GET1: variants seen among roughly 807,000 people sequenced by gnomAD.
The protein encoded by GET1 is congenital heart disease 5 protein.
GET1 carries 20 observed loss-of-function variants against 22.6 expected under a neutral mutation model. That is an observed-to-expected ratio of 0.89 (90% CI 0.62 to 1.29). GET1 has a LOEUF of 1.29. Among genes scored for constraint, GET1 ranks in the 50% most tolerant of loss-of-function variants. GET1 has a pLI of 0.00. For missense variants in GET1, 209 were observed against 219.9 expected (o/e 0.95, Z 0.31); for synonymous variants, 92 against 83.8 (o/e 1.10, Z -0.53).
intron 1 of GET1, among the ~76,000 whole-genome samples, chr21:39,385,770 G>A (rs552042371): frequency 4.4e-4 from 67 of 151,508 alleles, no homozygotes; most frequent in African/African-American, 1.5e-3. Context: ...GGACTCGCGC[G>A]GGGTCAAAGT....
At chr21:39,410,872 G>A (rs2039980124), downstream of GET1, 1 of 471,180 alleles carries the variant, frequency 2.1e-6, no homozygotes, top group Non-Finnish European at 4.4e-6. Context: ...ACAAAGGCAG[G>A]CAAGGAAATT....
chr21:39,396,815 G>A lies in GET1; in HGVS notation c.452-51G>A, dbSNP rs146570125. On this transcript the variant is annotated intron_variant, in intron 4 of 4. Coordinates refer to ENST00000649170, the MANE Select transcript of GET1 (RefSeq NM_004627.6). ...TGAGTTAAAGACAGCAGAGACAGAT[G>A]GGGGCAGCACTGCTGGTATGCGCTC... The A allele has an allele frequency of 2.3e-3, 3,419 of 1,517,838 alleles. 9 individuals carry two copies. The highest frequency in any genetic ancestry group is 2.8e-3 in the Non-Finnish European group (3,080 of 1,092,746). The allele number at this position is 1,517,838 out of a possible 1,614,324, so 94.0% of individuals were successfully genotyped here. A position where few individuals can be genotyped will look rare whatever the true frequency, so the allele number is the denominator to read the frequency against.
At chr21:39,417,505 A>G (rs530405119) in intron 1 of GET1, among the ~76,000 whole-genome samples, 5 of 152,336 alleles carry the variant, frequency 3.3e-5, no homozygotes, top group African/African-American at 1.2e-4. Flanking sequence ...AATGTAGGCA[A>G]ATAGATGGAT....
downstream of GET1, chr21:39,410,280 G>A: frequency 3.7e-6 from 6 of 1,604,722 alleles, no homozygotes; most frequent in Non-Finnish European, 3.4e-6. Flanking sequence ...TGTCAAAGGT[G>A]GAACATCTGA....
chr21:39,398,770 C>A (rs376276981), downstream of GET1, among the ~76,000 whole-genome samples: 28 of 152,066 alleles, frequency 1.8e-4, no homozygotes, highest in East Asian at 5.4e-3. Flanking sequence ...CCCGCCGTCA[C>A]GCCCAGCTAA....
exon 5 of GET1, chr21:39,406,125 A>G: frequency 6.2e-7 from 1 of 1,614,270 alleles, no homozygotes. Flanking sequence ...TATCTCTGAA[A>G]GTTGTATCCT....
chr21:39,394,564 T>C lies in GET1; in HGVS notation c.451+1284T>C, dbSNP rs141200610. Among the ~76,000 whole-genome samples, 375 of 152,294 alleles carry C rather than the reference T, an allele frequency of 2.5e-3. 1 individual carries two copies. Among genetic ancestry groups the C allele is most frequent in the South Asian group, 2.9e-3 (14 of 4,832 alleles). On this transcript the variant is annotated intron_variant, in intron 4 of 4. Coordinates refer to ENST00000649170, the MANE Select transcript of GET1 (RefSeq NM_004627.6). ...AACAACAGAAATTTATTTCTCACTGTTCCGGAGGCTGGGGAGTCCAAAATC... is the reference window on the plus strand; with the variant it reads ...AACAACAGAAATTTATTTCTCACTGCTCCGGAGGCTGGGGAGTCCAAAATC...
chr21:39,393,972 A>G (rs1249381597), intron 4 of GET1, among the ~76,000 whole-genome samples: 1 of 152,128 alleles, frequency 6.6e-6, no homozygotes, highest in Non-Finnish European at 1.5e-5. Flanking sequence ...TTTTGAAGAT[A>G]AATTTTTTTT....
At chr21:39,387,017 A>C (rs1242176872) in intron 1 of GET1, among the ~76,000 whole-genome samples, 1 of 151,830 alleles carries the variant, frequency 6.6e-6, no homozygotes, top group African/African-American at 2.4e-5. Context: ...GCACCACCAC[A>C]CCTGACTAAT....
downstream of GET1, among the ~76,000 whole-genome samples, chr21:39,399,639 C>G (rs1222380372): frequency 2.0e-5 from 3 of 152,040 alleles, no homozygotes; most frequent in Non-Finnish European, 2.9e-5. Context: ...TGGGGTTTCA[C>G]TATGTTGGCC....
intron 1 of GET1, among the ~76,000 whole-genome samples, chr21:39,388,389 G>A: frequency 6.6e-6 from 1 of 152,114 alleles, no homozygotes; most frequent in Non-Finnish European, 1.5e-5. Flanking sequence ...CCCACGTTTC[G>A]CAGTAATGTC....
At chr21:39,419,017 G>GA (rs1257011880) in intron 1 of GET1, among the ~76,000 whole-genome samples, 1 of 151,982 alleles carries the variant, frequency 6.6e-6, no homozygotes. Flanking sequence ...GAACTCCACA[G>GA]AAAAAAGGAA....
chr21:39,410,454 T>G (rs921721338), downstream of GET1: 3 of 690,412 alleles, frequency 4.3e-6, no homozygotes, highest in African/African-American at 5.5e-5. Flanking sequence ...TTTTATGCAA[T>G]GTAATAATAA....
downstream of GET1, among the ~76,000 whole-genome samples, chr21:39,406,912 C>T (rs1476183248): frequency 6.6e-6 from 1 of 152,188 alleles, no homozygotes; most frequent in East Asian, 1.9e-4. Context: ...TTTAACATCA[C>T]TAACTGGACA....
At chr21:39,391,409 C>G in intron 2 of GET1, 1 of 281,758 alleles carries the variant, frequency 3.5e-6, no homozygotes, top group Non-Finnish European at 6.7e-6. Flanking sequence ...CCAGGACAAG[C>G]TGGACTCCCA....
intron 1 of GET1, among the ~76,000 whole-genome samples, chr21:39,384,958 A>G (rs1338296154): frequency 6.6e-6 from 1 of 152,120 alleles, no homozygotes; most frequent in East Asian, 1.9e-4. Context: ...CCACCCTGTA[A>G]TCGGTAAGAG....
chr21:39,398,788 AT>A (rs1409959509), downstream of GET1, among the ~76,000 whole-genome samples: 2 of 151,408 alleles, frequency 1.3e-5, no homozygotes, highest in Non-Finnish European at 2.9e-5. Context: ...TAATTTTTGT[AT>A]TTTTAGTAGA....
At chr21:39,411,805 A>G (rs759196940) in intron 1 of GET1, 12 of 1,563,272 alleles carry the variant, frequency 7.7e-6, no homozygotes, top group Non-Finnish European at 9.6e-6. Flanking sequence ...TCCTTTTCCT[A>G]AAAAGAACCA....
chr21:39,417,583 C>T (rs1021495645), intron 1 of GET1, among the ~76,000 whole-genome samples: 1 of 152,040 alleles, frequency 6.6e-6, no homozygotes, highest in Non-Finnish European at 1.5e-5. Flanking sequence ...CTGATAAAGA[C>T]ATAACTGAGT....
Sources: allele counts gnomAD v4.1 joint callset (sites outside exome capture counted in the v4.1 genomes callset), GRCh38; gene constraint gnomAD v4.1.1; transcripts MANE v1.5; gene names NCBI Gene and HGNC (gene_info 2026-07-23, HGNC 2026-07-21).